The following TBC1D22A variants were observed in gnomAD, a reference collection of about 807,000 sequenced individuals.
The protein encoded by TBC1D22A is putative GTPase activator.
TBC1D22A carries 38 observed loss-of-function variants against 60.2 expected under a neutral mutation model. That is an observed-to-expected ratio of 0.63 (90% CI 0.49 to 0.83). The LOEUF is 0.83. Ranked by LOEUF, TBC1D22A falls within the 40% of genes least tolerant of loss-of-function variation. TBC1D22A has a pLI of 0.00. For synonymous variants in TBC1D22A, 302 were observed against 281.7 expected (o/e 1.07, Z -0.72); for missense variants, 628 against 701.0 (o/e 0.90, Z 1.18).
intron 3 of TBC1D22A, among the ~76,000 whole-genome samples, chr22:46,796,927 C>T (rs533969707): frequency 7.2e-5 from 11 of 152,328 alleles, no homozygotes; most frequent in African/African-American, 1.4e-4. Context: ...GGGTTGGGCA[C>T]GCTCTTGAGA....
Position 46,990,227 on chromosome 22 carries a change from A to G in TBC1D22A, c.1126-7407A>G, listed in dbSNP as rs2074887230. 6.6e-6 allele frequency among the ~76,000 whole-genome samples: 1 copy of G among 152,200 alleles called. No individual in the cohort carries two copies. On this transcript the variant is annotated intron_variant, in intron 9 of 12. Transcript: ENST00000337137. This position sits in a 1 kb window ranked among gnomAD's most constrained non-coding sequence, Gnocchi z 4.6. ...TTCATCTAATCTGTCCAACCTAATTATTTATACGGTTGGGGTTTAGGTTGC... is the reference window on the plus strand; with the variant it reads ...TTCATCTAATCTGTCCAACCTAATTGTTTATACGGTTGGGGTTTAGGTTGC...
At chr22:47,052,079 T>C (rs2063242010) in intron 11 of TBC1D22A, among the ~76,000 whole-genome samples, 1 of 152,158 alleles carries the variant, frequency 6.6e-6, no homozygotes, top group Non-Finnish European at 1.5e-5. Flanking sequence ...CTGGGCCTCC[T>C]GCCCCCAGCA....
intron 1 of TBC1D22A, chr22:46,763,129 C>A (rs976403334): frequency 4.7e-6 from 2 of 421,844 alleles, no homozygotes; most frequent in Middle Eastern, 5.9e-4. Context: ...CTCCTGGGCT[C>A]CTTGGGGAGG....
chr22:46,884,528 G>A (rs2068014593), intron 5 of TBC1D22A, among the ~76,000 whole-genome samples: 1 of 152,194 alleles, frequency 6.6e-6, no homozygotes, highest in Non-Finnish European at 1.5e-5. Flanking sequence ...TTGTGGAAAG[G>A]CGGCTGCTGG....
chr22:47,084,554 G>A (rs1268512685), intron 11 of TBC1D22A, among the ~76,000 whole-genome samples: 1 of 152,174 alleles, frequency 6.6e-6, no homozygotes, highest in East Asian at 1.9e-4. Flanking sequence ...GCTCTAGGGG[G>A]ACTCTTGAAA....
At chr22:47,024,034 C>T (rs1158911662) in intron 10 of TBC1D22A, among the ~76,000 whole-genome samples, 3 of 152,124 alleles carry the variant, frequency 2.0e-5, no homozygotes, top group Admixed American at 6.5e-5. Context: ...TAACACATGC[C>T]GCGGTGCGAT....
At chr22:47,133,000 C>T (rs1005975701) in intron 12 of TBC1D22A, among the ~76,000 whole-genome samples, 5 of 152,172 alleles carry the variant, frequency 3.3e-5, no homozygotes, top group African/African-American at 4.8e-5. Context: ...CAGCCACCAC[C>T]GTCTCAGGGA....
intron 8 of TBC1D22A, among the ~76,000 whole-genome samples, chr22:46,938,446 A>G (rs2147927095): frequency 6.6e-6 from 1 of 152,232 alleles, no homozygotes; most frequent in East Asian, 1.9e-4. Flanking sequence ...CGAGTGATGC[A>G]TTTCTCAGAA....
chr22:47,005,155 AT>A (rs1475678655), intron 10 of TBC1D22A, among the ~76,000 whole-genome samples: 3 of 151,802 alleles, frequency 2.0e-5, no homozygotes, highest in Non-Finnish European at 4.4e-5. Context: ...ACATGCCTGT[AT>A]ATACACATAC....
intron 11 of TBC1D22A, among the ~76,000 whole-genome samples, chr22:47,046,572 A>G (rs1405465721): frequency 6.6e-6 from 1 of 152,168 alleles, no homozygotes; most frequent in Non-Finnish European, 1.5e-5. Flanking sequence ...AGTGCCACTC[A>G]CATTTGAGAG....
At chr22:47,003,802 TACACACCCTACGCACACATGCCTGTACGC>T (rs201384348) in intron 10 of TBC1D22A, among the ~76,000 whole-genome samples, 25,683 of 91,356 alleles carry the variant, frequency 0.28, 3,095 homozygotes, top group East Asian at 0.34. Flanking sequence ...CACATGCCTG[TACACACCCTACGCACACATGCCTGTACGC>T]ACACACCCTA....
At chr22:47,000,059 G>A (rs142308414) in intron 10 of TBC1D22A, among the ~76,000 whole-genome samples, 174 of 152,252 alleles carry the variant, frequency 1.1e-3, no homozygotes, top group African/African-American at 3.9e-3. Flanking sequence ...TCTTTTCTGC[G>A]TTTTAGGAGA....
intron 10 of TBC1D22A, among the ~76,000 whole-genome samples, chr22:47,006,158 G>C (rs191830890): frequency 6.6e-6 from 1 of 152,190 alleles, no homozygotes; most frequent in Non-Finnish European, 1.5e-5. Flanking sequence ...TGTTGTTGCT[G>C]GTCGCACATT....
chr22:46,846,315 T>C (rs991840360), intron 4 of TBC1D22A, among the ~76,000 whole-genome samples: 5 of 152,034 alleles, frequency 3.3e-5, no homozygotes, highest in Non-Finnish European at 7.4e-5. Context: ...TCCATTTGTA[T>C]GTATGTTTGT....
intron 1 of TBC1D22A, among the ~76,000 whole-genome samples, chr22:46,771,117 A>G (rs545545149): frequency 5.9e-5 from 9 of 152,324 alleles, no homozygotes; most frequent in Non-Finnish European, 1.2e-4. Flanking sequence ...TATTCGTCTG[A>G]TAGAGTAAAT....
intron 4 of TBC1D22A, among the ~76,000 whole-genome samples, chr22:46,869,046 G>A (rs2067187388): frequency 2.0e-5 from 3 of 152,168 alleles, no homozygotes; most frequent in South Asian, 4.1e-4. Context: ...TGTTATCTGC[G>A]CCGCTCCGCT....
chr22:46,986,580 G>A (rs2074731615), intron 9 of TBC1D22A, among the ~76,000 whole-genome samples: 1 of 151,964 alleles, frequency 6.6e-6, no homozygotes, highest in Non-Finnish European at 1.5e-5. Flanking sequence ...TTTGGTATAG[G>A]GTTTTGCTCA....
intron 10 of TBC1D22A, among the ~76,000 whole-genome samples, chr22:47,001,826 A>C (rs972804160): frequency 2.0e-5 from 3 of 152,210 alleles, no homozygotes; most frequent in African/African-American, 7.2e-5. Context: ...TAAATAACTA[A>C]AAGTTAAATA....
chr22:46,767,320 A>T (rs2083322355), intron 1 of TBC1D22A, among the ~76,000 whole-genome samples: 1 of 152,188 alleles, frequency 6.6e-6, no homozygotes, highest in Non-Finnish European at 1.5e-5. Context: ...CTGTAGCACA[A>T]AGCGGTTGAG....
Sources: allele counts gnomAD v4.1 joint callset (sites outside exome capture counted in the v4.1 genomes callset), GRCh38; gene constraint gnomAD v4.1.1; non-coding constraint Gnocchi (gnomAD v3.1); transcripts MANE v1.5; gene names NCBI Gene and HGNC (gene_info 2026-07-23, HGNC 2026-07-21).